Variants in SCD5 observed in about 807,000 individuals in gnomAD.
SCD5 encodes stearoyl-CoA desaturase 5.
Under a neutral mutation model 30.4 loss-of-function variants are expected in SCD5, and 20 were observed. That is an observed-to-expected ratio of 0.66 (90% confidence interval 0.46 to 0.96). SCD5 has a LOEUF of 0.96. Among genes scored for constraint, SCD5 ranks in the 40% least tolerant of loss-of-function variants. SCD5 has a pLI of 0.00. For missense variants in SCD5, 381 were observed against 443.3 expected (o/e 0.86, Z 1.26); for synonymous variants, 173 against 176.4 (o/e 0.98, Z 0.16).
intron 1 of SCD5, among the ~76,000 whole-genome samples, chr4:82,720,441 T>TAAAAAAA (rs1553917690): frequency 5.0e-4 from 39 of 77,784 alleles, no homozygotes; most frequent in South Asian, 1.0e-3. Context: ...AAGGCAAAAA[T>TAAAAAAA]AAAAAAAAAA....
chr4:82,666,389 G>T (rs1488561316), intron 3 of SCD5, among the ~76,000 whole-genome samples: 1 of 152,084 alleles, frequency 6.6e-6, no homozygotes. Flanking sequence ...GGTGGCGGGC[G>T]CCTGTAGTCC....
At chr4:82,712,280 A>G (rs1176047853) in intron 1 of SCD5, among the ~76,000 whole-genome samples, 1 of 46,562 alleles carries the variant, frequency 2.1e-5, no homozygotes, top group African/African-American at 1.2e-4. Context: ...ATATATATAT[A>G]TATATATATA....
chr4:82,794,549 GACTA>G (rs920173532), intron 1 of SCD5, among the ~76,000 whole-genome samples: 8 of 152,070 alleles, frequency 5.3e-5, no homozygotes, highest in African/African-American at 1.9e-4. Context: ...TCAGGGCATT[GACTA>G]ACTGTCCCTT....
intron 1 of SCD5, among the ~76,000 whole-genome samples, chr4:82,778,868 CT>C (rs111615476): frequency 0.099 from 14,068 of 142,274 alleles, 620 homozygotes; most frequent in Middle Eastern, 0.14. Flanking sequence ...ACTAGCTAAT[CT>C]TTTTTTTTTT....
chr4:82,754,963 A>G (rs1258771227), intron 1 of SCD5, among the ~76,000 whole-genome samples: 1 of 152,192 alleles, frequency 6.6e-6, no homozygotes, highest in Admixed American at 6.5e-5. Context: ...CACCATGGAC[A>G]GAGACAGCCG....
intron 3 of SCD5, among the ~76,000 whole-genome samples, chr4:82,676,071 C>T (rs753368868): frequency 6.6e-6 from 1 of 152,136 alleles, no homozygotes; most frequent in Non-Finnish European, 1.5e-5. Context: ...TCCTTAAAGG[C>T]GACCGACTCA....
chr4:82,737,310 T>C (rs1353392416), intron 1 of SCD5, among the ~76,000 whole-genome samples: 1 of 152,240 alleles, frequency 6.6e-6, no homozygotes, highest in Non-Finnish European at 1.5e-5. Context: ...TGTGTGAACA[T>C]GTTCAGATTT....
At chr4:82,737,084 G>A (rs919195456) in intron 1 of SCD5, among the ~76,000 whole-genome samples, 3 of 152,146 alleles carry the variant, frequency 2.0e-5, no homozygotes, top group Non-Finnish European at 2.9e-5. Flanking sequence ...GATGTTCCAT[G>A]GTTTACTACA....
At chr4:82,770,951 GTTTT>G (rs979159683) in intron 1 of SCD5, among the ~76,000 whole-genome samples, 3 of 152,060 alleles carry the variant, frequency 2.0e-5, no homozygotes, top group Non-Finnish European at 4.4e-5. Flanking sequence ...CTGGTTTATT[GTTTT>G]TTTGTTTGTT....
chr4:82,708,752 C>G (rs1255573957), intron 1 of SCD5, among the ~76,000 whole-genome samples: 1 of 152,142 alleles, frequency 6.6e-6, no homozygotes, highest in East Asian at 1.9e-4. Context: ...TGTTAAAAAG[C>G]AAAAGTTAAA....
At chr4:82,751,108 T>A (rs1721092558) in intron 1 of SCD5, among the ~76,000 whole-genome samples, 1 of 152,190 alleles carries the variant, frequency 6.6e-6, no homozygotes, top group South Asian at 2.1e-4. Context: ...AAACCCATCA[T>A]AAAGCATACA....
chr4:82,629,966 T>C lies in SCD5; in HGVS notation c.*1361A>G, dbSNP rs1065403. ...ACTGTTGGTTCTCAAGATCTGATGG[T>C]CTGATGTGGAAAATTAATATGCTTA... On this transcript the variant is annotated 3_prime_UTR_variant, in exon 5 of 5. Transcript: ENST00000319540. 0.63 allele frequency: 96,279 copies of C among 152,052 alleles called. 30,847 individuals are homozygous for C. The highest frequency in any genetic ancestry group is 0.73 in the Admixed American group (11,100 of 15,282). The allele number at this position is 152,052 out of a possible 1,614,324, so 9.4% of individuals were successfully genotyped here. A position where few individuals can be genotyped will look rare whatever the true frequency, so the allele number is the denominator to read the frequency against.
At chr4:82,700,664 A>G (rs1719809230) in intron 2 of SCD5, among the ~76,000 whole-genome samples, 1 of 151,906 alleles carries the variant, frequency 6.6e-6, no homozygotes, top group Non-Finnish European at 1.5e-5. Context: ...CTATGTGCCT[A>G]TAGTCCTAGC....
At chr4:82,756,215 TA>T (rs1220329525) in intron 1 of SCD5, among the ~76,000 whole-genome samples, 3 of 152,106 alleles carry the variant, frequency 2.0e-5, no homozygotes, top group Non-Finnish European at 2.9e-5. Flanking sequence ...GTCACCCAAG[TA>T]AAATTCCTGC....
chr4:82,693,552 A>G (rs1719613042), intron 2 of SCD5, among the ~76,000 whole-genome samples: 1 of 151,688 alleles, frequency 6.6e-6, no homozygotes, highest in Non-Finnish European at 1.5e-5. Context: ...ACTCTACAGC[A>G]AAATAAATAA....
intron 3 of SCD5, among the ~76,000 whole-genome samples, chr4:82,647,150 A>G (rs959635830): frequency 1.1e-4 from 16 of 152,232 alleles, no homozygotes; most frequent in African/African-American, 3.9e-4. Flanking sequence ...GGTAGCAAAA[A>G]TTGTAAAGGA....
intron 4 of SCD5, among the ~76,000 whole-genome samples, chr4:82,633,699 A>C (rs2148811050): frequency 6.6e-6 from 1 of 152,148 alleles, no homozygotes; most frequent in East Asian, 1.9e-4. Context: ...GTAATATCTC[A>C]TTGTGGTTTT....
rs185758406 is a variant in SCD5, at chr4:82,642,358, G to A, written c.570-5535C>T. Among the ~76,000 whole-genome samples the A allele has an allele frequency of 2.0e-4, 30 of 152,200 alleles. No homozygotes were observed. In the South Asian group the frequency reaches 5.2e-3, roughly 26 times the overall value. ...GGGAAACTTACCCAGAGATAAACGCGGCTGGAGTGTTGAACATAGACCTGG... is the reference window on the plus strand; with the variant it reads ...GGGAAACTTACCCAGAGATAAACGCAGCTGGAGTGTTGAACATAGACCTGG... On this transcript the variant is annotated intron_variant, in intron 3 of 4. Transcript: ENST00000319540.
At chr4:82,791,901 C>A (rs1477529108) in intron 1 of SCD5, among the ~76,000 whole-genome samples, 1 of 152,184 alleles carries the variant, frequency 6.6e-6, no homozygotes, top group Non-Finnish European at 1.5e-5. Context: ...TTATGCCACA[C>A]ACAAAACTAG....
Sources: gnomAD v4.1 joint callset for allele counts (sites outside exome capture counted in the v4.1 genomes callset) on GRCh38, gnomAD v4.1.1 for gene constraint, MANE v1.5 for transcripts, NCBI Gene and HGNC (gene_info 2026-07-23, HGNC 2026-07-21) for gene names.